The following ARSF variants were observed in gnomAD, a reference collection of about 807,000 sequenced individuals.
ARSF encodes the protein arylsulfatase F.
Under a neutral mutation model 35.4 loss-of-function variants are expected in ARSF, and 33 were observed. The ratio of observed to expected loss-of-function variants is 0.93; its 90% CI spans 0.71 to 1.25. The LOEUF is 1.25. Ranked by LOEUF, ARSF falls within the 50% of genes most tolerant of loss-of-function variation. The pLI is 0.00. For missense variants in ARSF, 501 were observed against 480.2 expected, an observed-to-expected ratio of 1.04 and a Z score of -0.40; for synonymous variants, 222 against 193.1, an observed-to-expected ratio of 1.15 and a Z score of -1.24.
In ARSF at chrX:3,064,613, A is replaced by T. The variant is rs1033799745; in HGVS notation, c.-28-3460A>T. Among the ~76,000 whole-genome samples the T allele has an allele frequency of 5.4e-5, 6 of 111,930 alleles. No homozygotes were observed. In the Admixed American group the frequency reaches 5.7e-4, roughly 11 times the overall value. On this transcript the variant is annotated intron_variant, in intron 1 of 10. Transcript: ENST00000381127. ...ACATAAACAAATTTACAAGAAAAAA[A>T]CAAACAACCCCATCAAAAAGTGGGC...
intron 5 of ARSF, among the ~76,000 whole-genome samples, chrX:3,082,322 ATCTC>A (rs1156931926): frequency 9.0e-6 from 1 of 110,988 alleles, no homozygotes; most frequent in Non-Finnish European, 1.9e-5. Flanking sequence ...ATCATCGGTC[ATCTC>A]TCTCTCTTTC....
At chrX:3,088,076 A>G (rs1309087325) in intron 6 of ARSF, among the ~76,000 whole-genome samples, 2 of 111,931 alleles carry the variant, frequency 1.8e-5, no homozygotes, top group East Asian at 5.6e-4. Flanking sequence ...TGGGTAGCTG[A>G]GGACTTATCA....
chrX:3,097,953 A>G (rs2090347789), intron 7 of ARSF, among the ~76,000 whole-genome samples: 1 of 109,258 alleles, frequency 9.2e-6, no homozygotes, highest in East Asian at 2.9e-4. Flanking sequence ...CGGAGGTTGC[A>G]GTGAGCTGAG....
At chrX:3,064,238 A>G (rs2090054028) in intron 1 of ARSF, among the ~76,000 whole-genome samples, 1 of 112,193 alleles carries the variant, frequency 8.9e-6, no homozygotes, top group Non-Finnish European at 1.9e-5. Flanking sequence ...TGCTGGGAAA[A>G]CTGGCTAGTC....
rs146974235 is a variant in ARSF at position 3,083,404 on chromosome X, C to A, written c.407-839C>A. 1.7e-3 allele frequency among the ~76,000 whole-genome samples: 191 copies of A among 110,866 alleles called. 1 individual carries two copies. Among genetic ancestry groups the A allele is most frequent in the African/African-American group, 4.8e-3 (148 of 30,547 alleles). The stretch of plus-strand genomic sequence containing the variant: ...GTCATCTATCGATCCATCCATCCAC[C>A]TACACACACATCTATACATGCTCCA... On this transcript the variant is annotated intron_variant, in intron 5 of 10. Transcript: ENST00000381127.
chrX:3,088,339 C>T (rs570949462), intron 6 of ARSF, among the ~76,000 whole-genome samples: 5 of 111,456 alleles, frequency 4.5e-5, no homozygotes, highest in South Asian at 3.8e-4. Flanking sequence ...TTTGACTTTT[C>T]GCACTCGCAT....
At chrX:3,105,710 C>T (rs1412480221) in intron 9 of ARSF, among the ~76,000 whole-genome samples, 1 of 111,552 alleles carries the variant, frequency 9.0e-6, no homozygotes, top group Non-Finnish European at 1.9e-5. Context: ...AGTGATCCTC[C>T]CTCCTCAACC....
intron 7 of ARSF, among the ~76,000 whole-genome samples, chrX:3,090,423 C>T (rs1004142288): frequency 8.9e-6 from 1 of 111,852 alleles, no homozygotes. Flanking sequence ...AATCCTGGCA[C>T]TTTGGGAGGC....
chrX:3,054,546 G>A (rs58368057), intron 1 of ARSF, among the ~76,000 whole-genome samples: 172 of 110,277 alleles, frequency 1.6e-3, no homozygotes, highest in African/African-American at 4.9e-3. Context: ...TCAAACCATC[G>A]TCTTGCCTTG....
Position 3,058,673 on chromosome X carries a change from G to A in ARSF, c.-28-9400G>A, listed in dbSNP as rs146349844. 5.4e-4 allele frequency: 168 copies of A among 308,857 alleles called. 1 individual carries two copies. The East Asian group carries it at 0.016, about 29-fold the overall frequency. 25.5% of individuals were successfully genotyped at this position (308,857 alleles called of 1,213,427 possible). A position where few individuals can be genotyped will look rare whatever the true frequency, so the allele number is the denominator to read the frequency against. The stretch of plus-strand genomic sequence containing the variant: ...TTCAAAACCAGCCTGGGCAATATAG[G>A]GAGACCTTGTCTCTACAAAAAAATA... On this transcript the variant is annotated intron_variant, in intron 1 of 10. Coordinates refer to ENST00000381127, the MANE Select transcript of ARSF (RefSeq NM_001201539.2).
chrX:3,094,247 G>T (rs1222470604), intron 7 of ARSF, among the ~76,000 whole-genome samples: 1 of 111,663 alleles, frequency 9.0e-6, no homozygotes, highest in Non-Finnish European at 1.9e-5. Context: ...GATAAGCCAG[G>T]GTTGGGCTCC....
At chrX:3,065,313 T>A (rs182129800) in intron 1 of ARSF, among the ~76,000 whole-genome samples, 1 of 108,088 alleles carries the variant, frequency 9.3e-6, no homozygotes, top group African/African-American at 3.4e-5. Flanking sequence ...AGGGATAGCA[T>A]TGGGAGAGAT....
chrX:3,077,634 G>T (rs1459168860), intron 4 of ARSF, among the ~76,000 whole-genome samples: 1 of 108,736 alleles, frequency 9.2e-6, no homozygotes, highest in Non-Finnish European at 1.9e-5. Context: ...GCGAGACTCT[G>T]TCTCAAAACA....
At chrX:3,092,223 A>G (rs748598000) in intron 7 of ARSF, among the ~76,000 whole-genome samples, 1 of 110,972 alleles carries the variant, frequency 9.0e-6, no homozygotes, top group Admixed American at 9.7e-5. Context: ...ATACATAGAT[A>G]GATAGATAGC....
chrX:3,110,347 C>T, intron 10 of ARSF, 95 bp downstream of exon 10: 1 of 907,406 alleles, frequency 1.1e-6, no homozygotes, highest in Non-Finnish European at 1.4e-6. Flanking sequence ...CTAGACCGGT[C>T]CTTTCATTCC....
At chrX:3,108,745 G>A (rs2090425316) in intron 9 of ARSF, among the ~76,000 whole-genome samples, 2 of 111,620 alleles carry the variant, frequency 1.8e-5, no homozygotes, top group South Asian at 7.5e-4. Flanking sequence ...GGCATGGCAC[G>A]GTGGCTCACA....
intron 9 of ARSF, among the ~76,000 whole-genome samples, chrX:3,109,759 G>T (rs2090432141): frequency 8.9e-6 from 1 of 111,986 alleles, no homozygotes; most frequent in African/African-American, 3.2e-5. Flanking sequence ...ACTTTTTAGT[G>T]ATTACATAAA....
At chrX:3,053,925 C>A (rs1161941065) in intron 1 of ARSF, among the ~76,000 whole-genome samples, 2 of 109,821 alleles carry the variant, frequency 1.8e-5, no homozygotes, top group Non-Finnish European at 3.8e-5. Flanking sequence ...CCACACCCGG[C>A]TAATTTTTGT....
At chrX:3,064,291 A>G (rs2090054216) in intron 1 of ARSF, among the ~76,000 whole-genome samples, 1 of 112,198 alleles carries the variant, frequency 8.9e-6, no homozygotes, top group Non-Finnish European at 1.9e-5. Flanking sequence ...TACACTTTAT[A>G]CAAAATTAAT....
Sources: allele counts gnomAD v4.1 joint callset (sites outside exome capture counted in the v4.1 genomes callset), GRCh38; gene constraint gnomAD v4.1.1; transcripts MANE v1.5; gene names NCBI Gene and HGNC (gene_info 2026-07-23, HGNC 2026-07-21).